Variants in KCNIP1 observed in about 807,000 individuals in gnomAD.
The protein encoded by KCNIP1 is A-type potassium channel modulatory protein KCNIP1.
A neutral mutation model predicts 33.0 loss-of-function variants in KCNIP1; 18 were observed. That is an observed-to-expected ratio of 0.55 (90% CI 0.38 to 0.81). The LOEUF (loss-of-function observed/expected upper bound fraction) is 0.81. KCNIP1 is among the 30% of genes least tolerant of loss of function. The pLI, the probability that KCNIP1 is intolerant of heterozygous loss-of-function variation, is 0.00. For synonymous variants in KCNIP1, 93 were observed against 98.3 expected (o/e 0.95, Z 0.32); for missense variants, 238 against 271.6 (o/e 0.88, Z 0.87).
intron 1 of KCNIP1, among the ~76,000 whole-genome samples, chr5:170,577,115 T>A (rs920809784): frequency 6.6e-6 from 1 of 152,172 alleles, no homozygotes; most frequent in Admixed American, 6.5e-5. Flanking sequence ...TCCCTGAGAT[T>A]TTCCTGAAAG....
intron 5 of KCNIP1, among the ~76,000 whole-genome samples, chr5:170,723,102 A>G (rs1006250466): frequency 6.6e-6 from 1 of 152,176 alleles, no homozygotes; most frequent in Non-Finnish European, 1.5e-5. Flanking sequence ...CAGTGTGAAG[A>G]GTTACTCTTC....
intron 1 of KCNIP1, among the ~76,000 whole-genome samples, chr5:170,658,636 G>A (rs1398361030): frequency 6.6e-6 from 1 of 152,164 alleles, no homozygotes; most frequent in African/African-American, 2.4e-5. Flanking sequence ...CTTCCTGCCG[G>A]TGGTGGGCAG....
intron 1 of KCNIP1, among the ~76,000 whole-genome samples, chr5:170,421,808 A>G (rs1467830029): frequency 1.3e-5 from 2 of 152,240 alleles, no homozygotes; most frequent in East Asian, 1.9e-4. Flanking sequence ...TGGTTATTCC[A>G]GAGTTTCAGT....
intron 1 of KCNIP1, among the ~76,000 whole-genome samples, chr5:170,461,509 G>C (rs970723798): frequency 6.6e-6 from 1 of 152,132 alleles, no homozygotes; most frequent in African/African-American, 2.4e-5. Context: ...CCAGCACTTT[G>C]GGAGACCGAG....
At chr5:170,658,899 G>A (rs1003730359) in intron 1 of KCNIP1, among the ~76,000 whole-genome samples, 1 of 152,156 alleles carries the variant, frequency 6.6e-6, no homozygotes, top group African/African-American at 2.4e-5. Flanking sequence ...CCTGTTGGGG[G>A]TTTGGGAGCC....
chr5:170,495,569 A>T (rs1417475579), intron 1 of KCNIP1, among the ~76,000 whole-genome samples: 7 of 152,238 alleles, frequency 4.6e-5, no homozygotes, highest in African/African-American at 1.4e-4. Context: ...CTGGGGTTTC[A>T]GTGCCAAACA....
At chr5:170,576,702 A>G (rs929021952) in intron 1 of KCNIP1, among the ~76,000 whole-genome samples, 4 of 152,188 alleles carry the variant, frequency 2.6e-5, no homozygotes, top group African/African-American at 9.7e-5. Flanking sequence ...ATTAAATAAG[A>G]TAATACATTT....
intron 1 of KCNIP1, among the ~76,000 whole-genome samples, chr5:170,690,392 A>G (rs1343328825): frequency 6.6e-6 from 1 of 152,196 alleles, no homozygotes; most frequent in African/African-American, 2.4e-5. Flanking sequence ...GAAGCTTGTT[A>G]TTCTCCTCAG....
intron 1 of KCNIP1, among the ~76,000 whole-genome samples, chr5:170,447,200 CAAGA>C (rs1756139494): frequency 6.6e-6 from 1 of 152,098 alleles, no homozygotes; most frequent in South Asian, 2.1e-4. Flanking sequence ...GCTCCTACTG[CAAGA>C]GAGAGGCAAA....
chr5:170,720,181 G>A, intron 2 of KCNIP1, 140 bp from the exon 3 acceptor site: 3 of 648,454 alleles, frequency 4.6e-6, no homozygotes, highest in African/African-American at 1.8e-5. Flanking sequence ...GTCCTGAGAT[G>A]GCACTACTTG....
At chr5:170,711,451 T>G (rs1332613185) in intron 1 of KCNIP1, among the ~76,000 whole-genome samples, 1 of 152,224 alleles carries the variant, frequency 6.6e-6, no homozygotes, top group Non-Finnish European at 1.5e-5. Context: ...TTCAGGGTAG[T>G]GAAACTATTC....
At chr5:170,600,323 A>G (rs976902575) in intron 1 of KCNIP1, among the ~76,000 whole-genome samples, 1 of 152,176 alleles carries the variant, frequency 6.6e-6, no homozygotes, top group African/African-American at 2.4e-5. Flanking sequence ...TTCTCTGAAC[A>G]CATCATGCTG....
intron 1 of KCNIP1, among the ~76,000 whole-genome samples, chr5:170,506,092 C>T (rs527239878): frequency 2.0e-5 from 3 of 152,264 alleles, no homozygotes; most frequent in East Asian, 1.9e-4. Flanking sequence ...GACCACCATG[C>T]GGTCTCAGAG....
chr5:170,501,450 T>C (rs957793678), upstream of KCNIP1, among the ~76,000 whole-genome samples: 3 of 152,318 alleles, frequency 2.0e-5, no homozygotes, highest in East Asian at 5.8e-4. Flanking sequence ...ACCTCATAAT[T>C]CATGTTCAAT....
At chr5:170,520,959 T>C (rs1310366348) in intron 1 of KCNIP1, among the ~76,000 whole-genome samples, 1 of 152,238 alleles carries the variant, frequency 6.6e-6, no homozygotes, top group African/African-American at 2.4e-5. Context: ...ACAGAGCTAA[T>C]GCCTCCCTTC....
At position 170,718,804 on chromosome 5, in the gene KCNIP1, C is replaced by G. The variant is rs777345443; in HGVS notation, c.108C>G (p.Pro36=). ...ELEMTMVCHR[P]EGLEQLEAQT... ...AGATGACCATGGTTTGCCATCGGCC[C>G]GAGGGACTGGAGCAGCTCGAGGCCC... Residue 36 remains proline (P), a synonymous_variant, in exon 2 of 8, where the codon CCC becomes CCG. Coordinates refer to ENST00000328939, the MANE Select transcript of KCNIP1 (RefSeq NM_014592.4). 1.2e-6 allele frequency: 2 copies of G among 1,611,606 alleles called. No homozygotes were observed. The highest frequency in any genetic ancestry group is 1.7e-5 in the Admixed American group (1 of 59,548).
intron 1 of KCNIP1, chr5:170,385,262 C>A: frequency 6.2e-7 from 1 of 1,607,182 alleles, no homozygotes; most frequent in Admixed American, 1.7e-5. Context: ...CTTACAGATG[C>A]CAGACCCTTA....
At chr5:170,408,091 G>A (rs1031420398) in intron 1 of KCNIP1, among the ~76,000 whole-genome samples, 4 of 152,204 alleles carry the variant, frequency 2.6e-5, no homozygotes, top group African/African-American at 9.7e-5. Context: ...ACCATTTAGA[G>A]TAGCTCATGA....
intron 1 of KCNIP1, among the ~76,000 whole-genome samples, chr5:170,617,165 G>C (rs1227530333): frequency 6.6e-6 from 1 of 151,530 alleles, no homozygotes; most frequent in Non-Finnish European, 1.5e-5. Context: ...GAAGACCCCA[G>C]GTCTGGAGGG....
Sources: gnomAD v4.1 joint callset for allele counts (sites outside exome capture counted in the v4.1 genomes callset) on GRCh38, gnomAD v4.1.1 for gene constraint, MANE v1.5 for transcripts, NCBI Gene and HGNC (gene_info 2026-07-23, HGNC 2026-07-21) for gene names.